Variants in SLC7A11 observed in about 807,000 individuals in gnomAD.
The protein encoded by SLC7A11 is solute carrier family 7 member 11.
SLC7A11 carries 35 observed loss-of-function variants against 54.5 expected under a neutral mutation model. The ratio of observed to expected loss-of-function variants is 0.64; its 90% CI spans 0.49 to 0.85. SLC7A11 has a LOEUF of 0.85. SLC7A11 is among the 40% of genes least tolerant of loss of function. The pLI, the probability that SLC7A11 is intolerant of heterozygous loss-of-function variation, is 0.00. For missense variants in SLC7A11, 583 were observed against 618.1 expected (o/e 0.94, Z 0.60); for synonymous variants, 230 against 225.2 (o/e 1.02, Z -0.19).
chr4:138,236,240 G>GTCA, intron 2 of SLC7A11, 85 bp downstream of exon 2: 1 of 1,154,162 alleles, frequency 8.7e-7, no homozygotes, highest in Non-Finnish European at 1.2e-6. Flanking sequence ...TGACATGCAT[G>GTCA]TGTCTAACCA....
chr4:138,235,520 TGTTTGATAA>T (rs1738187633), intron 2 of SLC7A11, among the ~76,000 whole-genome samples: 1 of 152,158 alleles, frequency 6.6e-6, no homozygotes, highest in South Asian at 2.1e-4. Flanking sequence ...CAATCACATA[TGTTTGATAA>T]GTTTGATAAG....
chr4:138,235,102 T>C (rs764361548), intron 2 of SLC7A11, among the ~76,000 whole-genome samples: 1 of 152,132 alleles, frequency 6.6e-6, no homozygotes, highest in Non-Finnish European at 1.5e-5. Flanking sequence ...ATAGAAGGTA[T>C]CATGCTCAAT....
intron 3 of SLC7A11, among the ~76,000 whole-genome samples, chr4:138,224,848 A>AAGGAAGGT (rs1491226807): frequency 3.3e-5 from 5 of 151,342 alleles, no homozygotes; most frequent in African/African-American, 1.2e-4. Flanking sequence ...GGAAGGAAGG[A>AAGGAAGGT]AGGAAGGAAG....
chr4:138,223,692 T>C (rs1382489702), intron 3 of SLC7A11, among the ~76,000 whole-genome samples: 1 of 152,176 alleles, frequency 6.6e-6, no homozygotes, highest in Non-Finnish European at 1.5e-5. Flanking sequence ...TTTCACTGTC[T>C]AGCTTGATGT....
chr4:138,222,542 T>C (rs1011154723), intron 4 of SLC7A11, among the ~76,000 whole-genome samples: 3 of 152,234 alleles, frequency 2.0e-5, no homozygotes, highest in Admixed American at 2.0e-4. Context: ...CCTTCTTTCC[T>C]AAAACAAAAA....
At chr4:138,183,372 G>A in intron 7 of SLC7A11, 67 bp from the exon 8 acceptor site, 1 of 1,028,742 alleles carries the variant, frequency 9.7e-7, no homozygotes, top group East Asian at 2.6e-5. Context: ...AAACAATTTA[G>A]GCCAAACTTG....
intron 5 of SLC7A11, among the ~76,000 whole-genome samples, chr4:138,214,854 T>C (rs1737642601): frequency 6.6e-6 from 1 of 152,132 alleles, no homozygotes; most frequent in Non-Finnish European, 1.5e-5. Flanking sequence ...GGTAAGCCCA[T>C]AGTCTTAAGG....
chr4:138,235,541 G>A (rs1237518261), intron 2 of SLC7A11, among the ~76,000 whole-genome samples: 1 of 152,172 alleles, frequency 6.6e-6, no homozygotes, highest in Non-Finnish European at 1.5e-5. Context: ...TTTGATAAGA[G>A]CAAGTTTCCC....
At chr4:138,221,089 G>T in intron 4 of SLC7A11, among the ~76,000 whole-genome samples, 1 of 152,002 alleles carries the variant, frequency 6.6e-6, no homozygotes, top group East Asian at 1.9e-4. Flanking sequence ...CATAATCTGT[G>T]GTCTCTTTGG....
intron 1 of SLC7A11, among the ~76,000 whole-genome samples, chr4:138,241,233 G>A (rs951923085): frequency 2.6e-5 from 4 of 152,144 alleles, no homozygotes; most frequent in Non-Finnish European, 5.9e-5. Context: ...TGAGTTATGC[G>A]CCATCATACA....
chr4:138,239,931 T>C (rs1738337054), intron 1 of SLC7A11, among the ~76,000 whole-genome samples: 1 of 152,208 alleles, frequency 6.6e-6, no homozygotes, highest in Admixed American at 6.5e-5. Context: ...TAAAGTGCTG[T>C]AGGAAGATTT....
Position 138,223,179 on chromosome 4 carries a change from A to T in SLC7A11, c.646+20T>A. ...AAAGCAGATACGTATTTTAAAAAGC[A>T]TTTGCTTTTCAGTCCATACCTTTAA... On this transcript the variant is annotated intron_variant, in intron 4 of 11. Coordinates refer to ENST00000280612, the MANE Select transcript of SLC7A11 (RefSeq NM_014331.4). The T allele has an allele frequency of 6.2e-7, 1 of 1,601,576 alleles. No homozygotes were observed. The highest frequency in any genetic ancestry group is 8.5e-7 in the Non-Finnish European group (1 of 1,172,504).
At chr4:138,214,843 T>C (rs1010383571) in intron 5 of SLC7A11, among the ~76,000 whole-genome samples, 4 of 152,108 alleles carry the variant, frequency 2.6e-5, no homozygotes, top group Non-Finnish European at 4.4e-5. Flanking sequence ...AATATACAAG[T>C]GGTAAGCCCA....
At chr4:138,217,248 T>G (rs1737702420) in intron 5 of SLC7A11, among the ~76,000 whole-genome samples, 1 of 152,186 alleles carries the variant, frequency 6.6e-6, no homozygotes, top group Admixed American at 6.5e-5. Flanking sequence ...GGACTTATTT[T>G]CCAATACTGT....
intron 3 of SLC7A11, among the ~76,000 whole-genome samples, chr4:138,230,413 T>TA (rs5862372): frequency 0.76 from 107,972 of 141,366 alleles, 41,730 homozygotes; most frequent in Non-Finnish European, 0.86. Flanking sequence ...AAATGAAAGC[T>TA]AAAAAAAAAA....
intron 6 of SLC7A11, among the ~76,000 whole-genome samples, chr4:138,196,081 C>A (rs1045922319): frequency 6.6e-6 from 1 of 152,012 alleles, no homozygotes; most frequent in Admixed American, 6.6e-5. Flanking sequence ...AATGTTTATT[C>A]CACCAAATCC....
intron 6 of SLC7A11, among the ~76,000 whole-genome samples, chr4:138,203,975 T>C (rs1384005538): frequency 4.6e-5 from 7 of 152,084 alleles, no homozygotes; most frequent in Non-Finnish European, 8.8e-5. Flanking sequence ...GTCAAAACAG[T>C]CTACATACTA....
chr4:138,226,509 C>T (rs775261921), intron 3 of SLC7A11, among the ~76,000 whole-genome samples: 4 of 152,046 alleles, frequency 2.6e-5, no homozygotes, highest in Non-Finnish European at 5.9e-5. Flanking sequence ...ACACTAAATT[C>T]CAGCTGAGAT....
chr4:138,226,741 A>T (rs1737958051), intron 3 of SLC7A11, among the ~76,000 whole-genome samples: 1 of 152,190 alleles, frequency 6.6e-6, no homozygotes, highest in Non-Finnish European at 1.5e-5. Flanking sequence ...ATATACTTTT[A>T]AAAAATACTA....
Sources: allele counts gnomAD v4.1 joint callset (sites outside exome capture counted in the v4.1 genomes callset), GRCh38; gene constraint gnomAD v4.1.1; transcripts MANE v1.5; gene names NCBI Gene and HGNC (gene_info 2026-07-23, HGNC 2026-07-21).